The following FARP1 variants were observed in gnomAD, a reference collection of about 807,000 sequenced individuals.
The protein encoded by FARP1 is FERM, ARH/RhoGEF and pleckstrin domain protein 1, also known as FERM, ARHGEF and pleckstrin domain-containing protein 1.
A neutral mutation model predicts 128.8 loss-of-function variants in FARP1; 52 were observed. That is an observed-to-expected ratio of 0.40 (90% CI 0.32 to 0.51). The LOEUF is 0.51. Among genes scored for constraint, FARP1 ranks in the 20% least tolerant of loss-of-function variants. The pLI, the probability that FARP1 is intolerant of heterozygous loss-of-function variation, is 0.45. For synonymous variants in FARP1, 580 were observed against 551.8 expected (o/e 1.05, Z -0.72); for missense variants, 1,333 against 1,367.9 (o/e 0.97, Z 0.40).
At chr13:98,239,881 G>C (rs1432780521) in intron 2 of FARP1, among the ~76,000 whole-genome samples, 1 of 152,124 alleles carries the variant, frequency 6.6e-6, no homozygotes, top group East Asian at 1.9e-4. Context: ...AGAAAGGGCT[G>C]CTATTGTTTG....
rs536078125 is a variant in FARP1, at chr13:98,449,094, G to C, written c.*777G>C. The C allele has an allele frequency of 6.6e-6, 1 of 152,182 alleles. No individual in the cohort carries two copies. Among genetic ancestry groups the C allele is most frequent in the African/African-American group, 2.4e-5 (1 of 41,426 alleles). The allele number at this position is 152,182 out of a possible 1,614,324, so 9.4% of individuals were successfully genotyped here. A position where few individuals can be genotyped will look rare whatever the true frequency, so the allele number is the denominator to read the frequency against. Reference sequence around the variant, plus strand: ...GTACACAATGGGAAGATAATAAGCCGTGGTGTTTTGCTGTCTGTCTGTGTC... The same window carrying C: ...GTACACAATGGGAAGATAATAAGCCCTGGTGTTTTGCTGTCTGTCTGTGTC... On this transcript the variant is annotated 3_prime_UTR_variant, in exon 27 of 27. Transcript: ENST00000319562.
At chr13:98,372,971 T>C (rs1238323321) in intron 5 of FARP1, among the ~76,000 whole-genome samples, 3 of 152,190 alleles carry the variant, frequency 2.0e-5, no homozygotes, top group African/African-American at 7.2e-5. Flanking sequence ...TCTCTAAAGT[T>C]AGCATCGCGG....
intron 2 of FARP1, among the ~76,000 whole-genome samples, chr13:98,277,028 G>A (rs757357058): frequency 1.3e-4 from 20 of 151,078 alleles, no homozygotes; most frequent in Non-Finnish European, 2.5e-4. Flanking sequence ...ACAAGTATTC[G>A]TTTTGTTCAA....
intron 2 of FARP1, among the ~76,000 whole-genome samples, chr13:98,290,470 G>C (rs143356947): frequency 5.3e-5 from 8 of 152,138 alleles, no homozygotes; most frequent in Admixed American, 3.3e-4. Context: ...CTGAGGTAGA[G>C]AGCATGTTCT....
At chr13:98,245,859 C>G (rs1222888072) in intron 2 of FARP1, among the ~76,000 whole-genome samples, 1 of 151,576 alleles carries the variant, frequency 6.6e-6, no homozygotes, top group East Asian at 1.9e-4. Flanking sequence ...ACCTCCGCCT[C>G]CCGGGTTCAA....
intron 2 of FARP1, among the ~76,000 whole-genome samples, chr13:98,232,790 C>T (rs370685682): frequency 6.6e-6 from 1 of 152,200 alleles, no homozygotes; most frequent in South Asian, 2.1e-4. Context: ...GATATCTGTT[C>T]TGAGAAAGCT....
At chr13:98,188,699 C>A (rs1025935541) in intron 1 of FARP1, among the ~76,000 whole-genome samples, 6 of 152,218 alleles carry the variant, frequency 3.9e-5, no homozygotes, top group African/African-American at 1.4e-4. Context: ...GTGGGCTTCA[C>A]TATGGCTCTA....
chr13:98,331,536 T>C (rs1454815961), intron 2 of FARP1, among the ~76,000 whole-genome samples: 2 of 152,342 alleles, frequency 1.3e-5, no homozygotes, highest in African/African-American at 4.8e-5. Context: ...TTAAAAATAC[T>C]GAAGGTGGAA....
At chr13:98,358,574 A>G (rs1265241236) in intron 3 of FARP1, among the ~76,000 whole-genome samples, 1 of 152,172 alleles carries the variant, frequency 6.6e-6, no homozygotes, top group Non-Finnish European at 1.5e-5. Flanking sequence ...AATAAAGTCA[A>G]ATAATTTTTA....
intron 1 of FARP1, among the ~76,000 whole-genome samples, chr13:98,178,452 T>C (rs1340826748): frequency 2.6e-5 from 4 of 152,228 alleles, no homozygotes; most frequent in Admixed American, 2.6e-4. Context: ...CACCTTGGCC[T>C]CCTAAAATGT....
At chr13:98,270,907 C>T (rs1884359055) in intron 2 of FARP1, among the ~76,000 whole-genome samples, 1 of 152,166 alleles carries the variant, frequency 6.6e-6, no homozygotes, top group Non-Finnish European at 1.5e-5. Context: ...GAGGGCAGGC[C>T]AGGGTACGAG....
chr13:98,284,802 A>G (rs1204067734), intron 2 of FARP1, among the ~76,000 whole-genome samples: 2 of 152,192 alleles, frequency 1.3e-5, no homozygotes, highest in Non-Finnish European at 2.9e-5. Flanking sequence ...GAAGTGTTGG[A>G]TTAAAACCAG....
Position 98,357,851 on chromosome 13 carries a change from T to C in FARP1, c.277-7544T>C, listed in dbSNP as rs569879747. Among the ~76,000 whole-genome samples, 30 of 152,284 alleles carry C rather than the reference T, an allele frequency of 2.0e-4. No individual in the cohort carries two copies. In the South Asian group the frequency reaches 2.7e-3, roughly 14 times the overall value. ...TGAATTTGTTCTGGGATATAGTTAT[T>C]TGGAAGCGATTTGATCCTTTTGGAT... On this transcript the variant is annotated intron_variant, in intron 3 of 26. Transcript: ENST00000319562.
rs1283581343 is a variant in FARP1 at position 98,307,018 on chromosome 13, G to C, written c.172-36744G>C. On this transcript the variant is annotated intron_variant, in intron 2 of 26. Transcript: ENST00000319562. Reference sequence around the variant, plus strand: ...AAACGAAGAAACAGAGCAGAGCTGAGAAGCTCAACAGCTAACCTCGTCACA... The same window carrying C: ...AAACGAAGAAACAGAGCAGAGCTGACAAGCTCAACAGCTAACCTCGTCACA... Among the ~76,000 whole-genome samples the C allele has an allele frequency of 2.6e-5, 4 of 152,192 alleles. No homozygotes were observed. The East Asian group carries it at 7.7e-4, about 29-fold the overall frequency.
At chr13:98,281,240 C>A (rs922020141) in intron 2 of FARP1, among the ~76,000 whole-genome samples, 1 of 152,054 alleles carries the variant, frequency 6.6e-6, no homozygotes, top group Admixed American at 6.6e-5. Context: ...GTAATCTCAG[C>A]TGAGTAGGAG....
chr13:98,389,323 G>T (rs2140052498), intron 9 of FARP1, among the ~76,000 whole-genome samples: 1 of 152,330 alleles, frequency 6.6e-6, no homozygotes, highest in South Asian at 2.1e-4. Flanking sequence ...TAGAACTGCT[G>T]GGAATGCTAA....
chr13:98,219,937 G>C (rs1881317961), intron 2 of FARP1, among the ~76,000 whole-genome samples: 1 of 152,130 alleles, frequency 6.6e-6, no homozygotes, highest in African/African-American at 2.4e-5. Context: ...CTAAAGCGCT[G>C]TGATTGCAGG....
intron 1 of FARP1, among the ~76,000 whole-genome samples, chr13:98,157,998 T>G (rs939356149): frequency 7.9e-5 from 12 of 152,350 alleles, no homozygotes; most frequent in Non-Finnish European, 1.0e-4. Context: ...CCACTTCTTT[T>G]GTGATTATAC....
At chr13:98,354,925 G>C (rs1888580050) in intron 3 of FARP1, among the ~76,000 whole-genome samples, 1 of 152,162 alleles carries the variant, frequency 6.6e-6, no homozygotes. Context: ...TATGAAATAG[G>C]TGTGGAATTC....
Sources: gnomAD v4.1 joint callset for allele counts (sites outside exome capture counted in the v4.1 genomes callset) on GRCh38, gnomAD v4.1.1 for gene constraint, MANE v1.5 for transcripts, NCBI Gene and HGNC (gene_info 2026-07-23, HGNC 2026-07-21) for gene names.